Variants in HKDC1 observed in about 807,000 individuals in gnomAD.
The protein encoded by HKDC1 is hexokinase HKDC1.
Under a neutral mutation model 96.6 loss-of-function variants are expected in HKDC1, and 66 were observed. The ratio of observed to expected loss-of-function variants is 0.68; its 90% CI spans 0.56 to 0.84. The LOEUF (loss-of-function observed/expected upper bound fraction) is 0.84. Among genes scored for constraint, HKDC1 ranks in the 40% least tolerant of loss-of-function variants. The pLI, the probability that HKDC1 is intolerant of heterozygous loss-of-function variation, is 0.00. For synonymous variants in HKDC1, 466 were observed against 473.1 expected, an observed-to-expected ratio of 0.98 and a Z score of 0.20; for missense variants, 1,211 against 1,208.1, an observed-to-expected ratio of 1.00 and a Z score of -0.04.
chr10:69,256,514 C>T (rs1843718148), intron 12 of HKDC1, among the ~76,000 whole-genome samples: 1 of 152,152 alleles, frequency 6.6e-6, no homozygotes, highest in African/African-American at 2.4e-5. Flanking sequence ...TGAGACCAGC[C>T]TGGCCAACAT....
intron 4 of HKDC1, among the ~76,000 whole-genome samples, chr10:69,237,845 C>T (rs1291767900): frequency 6.6e-6 from 1 of 152,116 alleles, no homozygotes; most frequent in Non-Finnish European, 1.5e-5. Flanking sequence ...CCTTCACTCG[C>T]GGTGAAATTC....
intron 8 of HKDC1, 88 bp from the exon 9 acceptor site, chr10:69,247,272 A>G: frequency 2.3e-6 from 2 of 852,970 alleles, no homozygotes; most frequent in Non-Finnish European, 3.9e-6. Context: ...TAATTTTCAC[A>G]ATCCTGAGAG....
rs1207528112 is a variant in HKDC1 at position 69,267,058 on chromosome 10, T to C, written c.*301T>C. 2.7e-5 allele frequency: 7 copies of C among 260,944 alleles called. No homozygotes were observed. The highest frequency in any genetic ancestry group is 3.6e-5 in the Non-Finnish European group (5 of 137,490). 16.2% of individuals were successfully genotyped at this position (260,944 alleles called of 1,614,324 possible). A position where few individuals can be genotyped will look rare whatever the true frequency, so the allele number is the denominator to read the frequency against. On this transcript the variant is annotated 3_prime_UTR_variant, in exon 18 of 18. Coordinates refer to ENST00000354624, the MANE Select transcript of HKDC1 (RefSeq NM_025130.4). Reference sequence around the variant, plus strand: ...TGAGGCTTGAGCTGTCAATTCTCTATGGCTTTCAGTCTTGTGGCTGCGGGA... The same window carrying C: ...TGAGGCTTGAGCTGTCAATTCTCTACGGCTTTCAGTCTTGTGGCTGCGGGA...
chr10:69,251,471 T>C (rs1414071256), intron 12 of HKDC1, among the ~76,000 whole-genome samples: 6 of 152,206 alleles, frequency 3.9e-5, no homozygotes, highest in South Asian at 2.1e-4. Flanking sequence ...TATTCGGCAC[T>C]CCTTCCATTT....
rs139735900 is a variant in HKDC1 at position 69,257,110 on chromosome 10, G to A, written c.1911G>A (p.Arg637=). The change falls in exon 13 of 18, where the codon AGG becomes AGA. Residue 637 remains arginine (R), a synonymous_variant. Coordinates refer to ENST00000354624, the MANE Select transcript of HKDC1 (RefSeq NM_025130.4). ...GGGAGGACGTGGTGGACATGCTCAGGGAAGCCATCAAGAGGAGAAACGTAG... is the reference window on the plus strand; with the variant it reads ...GGGAGGACGTGGTGGACATGCTCAGAGAAGCCATCAAGAGGAGAAACGTAG... ...CEGEDVVDML[R]EAIKRRNEFD... The A allele has an allele frequency of 1.2e-6, 2 of 1,613,890 alleles. No homozygotes were observed. Among genetic ancestry groups the A allele is most frequent in the Non-Finnish European group, 1.7e-6 (2 of 1,179,960 alleles).
chr10:69,240,525 A>G, intron 5 of HKDC1, 127 bp from the exon 6 acceptor site: 5 of 681,060 alleles, frequency 7.3e-6, no homozygotes, highest in Non-Finnish European at 1.0e-5. Context: ...TCCTTCAGAC[A>G]GGCCCAGCAG....
Position 69,243,283 on chromosome 10 carries a change from G to C in HKDC1, c.793G>C (p.Gly265Arg). 6.2e-7 allele frequency: 1 copy of C among 1,613,988 alleles called. No individual in the cohort carries two copies. ...MCINTEWGAF[G>R]DDGALEDIRT... ...CATCAACACAGAGTGGGGGGCCTTC[G>C]GGGACGACGGGGCCCTGGAGGACAT... Residue 265 changes from glycine to arginine, a missense_variant, in exon 7 of 18, where the codon GGG (glycine) becomes CGG (arginine). By Grantham distance (125) the Gly-to-Arg change is moderately radical. Coordinates refer to ENST00000354624, the MANE Select transcript of HKDC1 (RefSeq NM_025130.4).
chr10:69,230,610 T>A (rs1190869508), intron 2 of HKDC1, among the ~76,000 whole-genome samples: 1 of 152,102 alleles, frequency 6.6e-6, no homozygotes, highest in Admixed American at 6.5e-5. Flanking sequence ...TAGGACACTG[T>A]TTTCTCTTTT....
In HKDC1 at chr10:69,248,664, G is replaced by A; in HGVS notation, c.1506G>A (p.Lys502=). ...AGCTGGAGTATGGGCTGAAGAAGAA[G>A]AGCCACGGGCTGGCCACGGTCAGGA... The part of the protein sequence containing the change: ...RAELEYGLKK[K]SHGLATVRML... The change falls in exon 10 of 18, where the codon AAG becomes AAA. Residue 502 remains lysine, a synonymous_variant. Transcript: ENST00000354624. 1 of 1,614,136 alleles carries A rather than the reference G, an allele frequency of 6.2e-7. No individual in the cohort carries two copies. The highest frequency in any genetic ancestry group is 8.5e-7 in the Non-Finnish European group (1 of 1,180,018).
At chr10:69,233,235 T>C in intron 4 of HKDC1, 102 bp downstream of exon 4, 1 of 1,471,044 alleles carries the variant, frequency 6.8e-7, no homozygotes, top group Non-Finnish European at 9.1e-7. Context: ...AGGAGCTTTC[T>C]TGTTTGTCTT....
intron 16 of HKDC1, among the ~76,000 whole-genome samples, chr10:69,262,614 A>G (rs979990878): frequency 1.3e-5 from 2 of 152,244 alleles, no homozygotes; most frequent in Non-Finnish European, 2.9e-5. Context: ...CAGCGGGGAA[A>G]AAAGAAACAC....
chr10:69,252,229 T>C (rs1392315048), intron 12 of HKDC1, among the ~76,000 whole-genome samples: 1 of 152,138 alleles, frequency 6.6e-6, no homozygotes, highest in Non-Finnish European at 1.5e-5. Context: ...CACCCAGGGT[T>C]GTCCAGGTGT....
At chr10:69,230,398 C>G (rs1000626337) in intron 2 of HKDC1, among the ~76,000 whole-genome samples, 1 of 152,124 alleles carries the variant, frequency 6.6e-6, no homozygotes, top group Non-Finnish European at 1.5e-5. Context: ...ACTTTCCCAG[C>G]CCCTCCCCCT....
chr10:69,220,952 C>G (rs1843051726), intron 1 of HKDC1, among the ~76,000 whole-genome samples: 1 of 152,164 alleles, frequency 6.6e-6, no homozygotes. Flanking sequence ...GAGTTCGAGA[C>G]CAGCCTGGCC....
intron 12 of HKDC1, among the ~76,000 whole-genome samples, chr10:69,256,214 C>T (rs4746830): frequency 0.93 from 142,253 of 152,270 alleles, 67,185 homozygotes; most frequent in Non-Finnish European, 1. Context: ...GTGGAAAACA[C>T]CTTTCTCTCA....
rs372981911 is a variant in HKDC1, at chr10:69,248,709, C to T, written c.1551C>T (p.Cys517=). The change falls in exon 10 of 18, where the codon TGC becomes TGT. Residue 517 remains cysteine, a synonymous_variant. Transcript: ENST00000354624. ...ATVRMLPTYV[C]GLPDGTEKGK... The stretch of plus-strand genomic sequence containing the variant: ...TCAGGATGCTGCCCACCTACGTCTG[C>T]GGGCTGCCGGACGGCACAGGTGGGC... The T allele has an allele frequency of 9.1e-5, 146 of 1,609,238 alleles. No homozygotes were observed. The highest frequency in any genetic ancestry group is 4.6e-4 in the South Asian group (42 of 90,788).
At chr10:69,252,201 G>T (rs1439145815) in intron 12 of HKDC1, among the ~76,000 whole-genome samples, 2 of 138,824 alleles carry the variant, frequency 1.4e-5, no homozygotes, top group East Asian at 5.4e-4. Flanking sequence ...AATCTTTCCT[G>T]TAATTCTAGG....
intron 13 of HKDC1, 88 bp from the exon 14 acceptor site, chr10:69,257,239 G>C (rs1304393179): frequency 1.4e-6 from 2 of 1,447,740 alleles, no homozygotes; most frequent in African/African-American, 2.8e-5. Context: ...GTCTGCCTTG[G>C]GATAACATGC....
intron 14 of HKDC1, 87 bp from the exon 15 acceptor site, chr10:69,258,689 C>A: frequency 1.5e-6 from 2 of 1,370,282 alleles, no homozygotes; most frequent in Non-Finnish European, 2.1e-6. Flanking sequence ...TGACTCCAAG[C>A]TTAAATTCTT....
Sources: allele counts gnomAD v4.1 joint callset (sites outside exome capture counted in the v4.1 genomes callset), GRCh38; gene constraint gnomAD v4.1.1; transcripts MANE v1.5; gene names NCBI Gene and HGNC (gene_info 2026-07-23, HGNC 2026-07-21).